The following RHOA variants were observed in gnomAD, a reference collection of about 807,000 sequenced individuals.
RHOA encodes transforming protein RhoA.
In RHOA, 3 loss-of-function variants were observed where a neutral mutation model predicts 17.5. The observed-to-expected ratio is 0.17, with a 90% CI of 0.08 to 0.44. The LOEUF is 0.44. RHOA is among the 20% of genes least tolerant of loss of function. The probability of loss-of-function intolerance (pLI) is 0.99; values close to 1 mark genes in which losing one functional copy is unlikely to be tolerated. For synonymous variants in RHOA, 98 were observed against 88.4 expected, an observed-to-expected ratio of 1.11 and a Z score of -0.61; for missense variants, 56 against 242.3, an observed-to-expected ratio of 0.23 and a Z score of 5.10.
At chr3:49,376,500 G>T (rs553524791) in intron 1 of RHOA, among the ~76,000 whole-genome samples, 1 of 151,422 alleles carries the variant, frequency 6.6e-6, no homozygotes, top group Non-Finnish European at 1.5e-5. Flanking sequence ...ATAACTAGCC[G>T]GGCATGGTGG....
rs147472678 is a variant in RHOA, at chr3:49,394,856, A to G, written c.-3+16964T>C. Reference sequence around the variant, plus strand: ...TATCTGACCTGGATGGACCTTGAAGAAGGAGGACAAGTCCCCTGGAAAGAG... The same window carrying G: ...TATCTGACCTGGATGGACCTTGAAGGAGGAGGACAAGTCCCCTGGAAAGAG... On this transcript the variant is annotated intron_variant, in intron 1 of 4. Coordinates refer to ENST00000418115, the MANE Select transcript of RHOA (RefSeq NM_001664.4). Among the ~76,000 whole-genome samples, 1,049 of 152,290 alleles carry G rather than the reference A, an allele frequency of 6.9e-3. 6 individuals are homozygous for G. The highest frequency in any genetic ancestry group is 0.024 in the Middle Eastern group (7 of 294).
chr3:49,362,133 G>A (rs2047983053), intron 4 of RHOA, among the ~76,000 whole-genome samples: 1 of 152,118 alleles, frequency 6.6e-6, no homozygotes, highest in African/African-American at 2.4e-5. Context: ...GTTGCAGTGA[G>A]CTGAGATTGC....
At chr3:49,378,135 C>A (rs1260737710) in intron 1 of RHOA, among the ~76,000 whole-genome samples, 1 of 138,474 alleles carries the variant, frequency 7.2e-6, no homozygotes, top group East Asian at 2.2e-4. Flanking sequence ...GGCAACAGAG[C>A]ACTCCAGCCT....
intron 3 of RHOA, among the ~76,000 whole-genome samples, chr3:49,365,409 G>A (rs1174334011): frequency 5.3e-5 from 8 of 151,778 alleles, no homozygotes; most frequent in African/African-American, 1.2e-4. Context: ...TCCCAAAGTG[G>A]TGGGATTACA....
At chr3:49,407,543 T>G (rs1240908886) in intron 1 of RHOA, among the ~76,000 whole-genome samples, 1 of 152,206 alleles carries the variant, frequency 6.6e-6, no homozygotes, top group Non-Finnish European at 1.5e-5. Context: ...CAGGAATTCC[T>G]TTTTATATTT....
At chr3:49,397,959 G>A (rs2107893029) in intron 1 of RHOA, among the ~76,000 whole-genome samples, 1 of 152,328 alleles carries the variant, frequency 6.6e-6, no homozygotes, top group Middle Eastern at 3.4e-3. Context: ...CTGCTAGGCA[G>A]TGCTAAAAGC....
chr3:49,387,211 G>A (rs368547542), intron 1 of RHOA, among the ~76,000 whole-genome samples: 16 of 141,034 alleles, frequency 1.1e-4, no homozygotes, highest in South Asian at 7.0e-4. Flanking sequence ...TTGGGAGGCC[G>A]AGGCGGGCGG....
At chr3:49,410,398 CTCCAACACA>C (rs2048913324) in intron 1 of RHOA, among the ~76,000 whole-genome samples, 1 of 152,154 alleles carries the variant, frequency 6.6e-6, no homozygotes, top group African/African-American at 2.4e-5. Flanking sequence ...CTCTTCTTCC[CTCCAACACA>C]GATTTTTATG....
chr3:49,375,722 C>A (rs1275710733), intron 1 of RHOA, 131 bp from the exon 2 acceptor site: 12 of 848,468 alleles, frequency 1.4e-5, no homozygotes, highest in Non-Finnish European at 2.2e-5. Context: ...TTCTAGTACG[C>A]CGATCCACCT....
intron 1 of RHOA, among the ~76,000 whole-genome samples, chr3:49,386,636 G>A (rs2048399845): frequency 1.3e-5 from 2 of 152,102 alleles, no homozygotes; most frequent in South Asian, 4.1e-4. Flanking sequence ...CAGCTTTAGC[G>A]TATTATTCTC....
At chr3:49,404,824 G>A (rs907332126) in intron 1 of RHOA, among the ~76,000 whole-genome samples, 3 of 150,334 alleles carry the variant, frequency 2.0e-5, no homozygotes, top group African/African-American at 2.4e-5. Flanking sequence ...TGTAGTCCCA[G>A]TTTACCTGGG....
intron 3 of RHOA, among the ~76,000 whole-genome samples, chr3:49,368,201 C>T (rs951770858): frequency 1.3e-5 from 2 of 152,150 alleles, no homozygotes; most frequent in South Asian, 2.1e-4. Flanking sequence ...GTGTCAGGCA[C>T]CGTGCCCTGC....
intron 1 of RHOA, among the ~76,000 whole-genome samples, chr3:49,391,585 C>G (rs923602480): frequency 6.6e-6 from 1 of 151,938 alleles, no homozygotes; most frequent in Non-Finnish European, 1.5e-5. Context: ...CTCTTGTTGC[C>G]CAGGCTGGAG....
intron 2 of RHOA, among the ~76,000 whole-genome samples, chr3:49,369,703 C>T (rs1191973191): frequency 6.6e-6 from 1 of 150,664 alleles, no homozygotes; most frequent in East Asian, 2.0e-4. Flanking sequence ...CCACTGCACT[C>T]CAGCACTCCA....
intron 4 of RHOA, among the ~76,000 whole-genome samples, chr3:49,361,853 G>A (rs2047977198): frequency 6.6e-6 from 1 of 151,846 alleles, no homozygotes; most frequent in Admixed American, 6.6e-5. Flanking sequence ...TTCCAGCCTG[G>A]GTGACAAAAG....
intron 1 of RHOA, among the ~76,000 whole-genome samples, chr3:49,390,351 G>T (rs2048477913): frequency 1.3e-5 from 2 of 151,784 alleles, no homozygotes; most frequent in East Asian, 3.9e-4. Context: ...GGCTGGTCTT[G>T]AACTCCTGAC....
intron 2 of RHOA, 132 bp from the exon 3 acceptor site, chr3:49,368,680 C>T (rs2048097643): frequency 2.4e-6 from 2 of 846,682 alleles, no homozygotes; most frequent in East Asian, 5.1e-5. Context: ...CAGTAAAACA[C>T]AGGAGTATTT....
At chr3:49,361,364 T>G (rs1281505603) in intron 4 of RHOA, among the ~76,000 whole-genome samples, 1 of 152,140 alleles carries the variant, frequency 6.6e-6, no homozygotes, top group East Asian at 1.9e-4. Context: ...TCTCAATGCT[T>G]CTCCTCCAGT....
chr3:49,384,334 G>C (rs1400010990), intron 1 of RHOA, among the ~76,000 whole-genome samples: 1 of 152,062 alleles, frequency 6.6e-6, no homozygotes, highest in African/African-American at 2.4e-5. Flanking sequence ...ACAAGTACAT[G>C]GTTTGTCAAG....
Sources: allele counts gnomAD v4.1 joint callset (sites outside exome capture counted in the v4.1 genomes callset), GRCh38; gene constraint gnomAD v4.1.1; transcripts MANE v1.5; gene names NCBI Gene and HGNC (gene_info 2026-07-23, HGNC 2026-07-21).